The following SEC14L1 variants were observed in gnomAD, a reference collection of about 807,000 sequenced individuals.
SEC14L1 encodes the protein SEC14 like lipid binding 1.
A neutral mutation model predicts 85.3 loss-of-function variants in SEC14L1; 48 were observed. That is an observed-to-expected ratio of 0.56 (90% confidence interval 0.45 to 0.72). The LOEUF (loss-of-function observed/expected upper bound fraction) is 0.72. Ranked by LOEUF, SEC14L1 falls within the 30% of genes least tolerant of loss-of-function variation. The pLI is 0.00. For synonymous variants in SEC14L1, 391 were observed against 355.5 expected (o/e 1.10, Z -1.12); for missense variants, 682 against 921.4 (o/e 0.74, Z 3.36).
At chr17:77,147,617 C>T (rs1368333993) in intron 3 of SEC14L1, among the ~76,000 whole-genome samples, 1 of 152,140 alleles carries the variant, frequency 6.6e-6, no homozygotes, top group African/African-American at 2.4e-5. Flanking sequence ...AGATCTGATT[C>T]TCGAGTTTAG....
chr17:77,199,017 T>G (rs1413909301), intron 8 of SEC14L1: 2 of 151,704 alleles, frequency 1.3e-5, no homozygotes, highest in African/African-American at 4.9e-5. Flanking sequence ...TTTTTTTTTT[T>G]TTTTTGAGAT....
At chr17:77,134,939 T>C (rs1276596810) in intron 3 of SEC14L1, among the ~76,000 whole-genome samples, 1 of 152,186 alleles carries the variant, frequency 6.6e-6, no homozygotes, top group Non-Finnish European at 1.5e-5. Context: ...AAAAAGATTG[T>C]GTCCTGTCAC....
At chr17:77,100,249 T>C (rs542918207) in intron 3 of SEC14L1, among the ~76,000 whole-genome samples, 1 of 152,340 alleles carries the variant, frequency 6.6e-6, no homozygotes, top group South Asian at 2.1e-4. Flanking sequence ...CTTCCCCTTC[T>C]GCACCCTCCG....
chr17:77,200,351 T>C (rs1030922024), intron 8 of SEC14L1, 133 bp from the exon 9 acceptor site: 1 of 640,492 alleles, frequency 1.6e-6, no homozygotes, highest in Admixed American at 2.9e-5. Context: ...GTATTTTTAG[T>C]AGAGATGGCA....
At position 77,143,667 on chromosome 17, in the gene SEC14L1, C is replaced by T; in HGVS notation, c.63+8C>T. 9 of 1,589,682 alleles carry T rather than the reference C, an allele frequency of 5.7e-6. No homozygotes were observed. The highest frequency in any genetic ancestry group is 7.8e-6 in the Non-Finnish European group (9 of 1,158,318). Reference sequence around the variant, plus strand: ...TTTGAATTAATTATGGCTGTAAGTACTTGACATTTCAATTTACTCTTTGGC... The same window carrying T: ...TTTGAATTAATTATGGCTGTAAGTATTTGACATTTCAATTTACTCTTTGGC... On this transcript the variant is annotated splice_region_variant and intron_variant, in intron 3 of 16. Coordinates refer to ENST00000436233, the MANE Select transcript of SEC14L1 (RefSeq NM_001143998.2).
chr17:77,181,628 C>T (rs983243506), intron 3 of SEC14L1, among the ~76,000 whole-genome samples: 4 of 152,156 alleles, frequency 2.6e-5, no homozygotes, highest in African/African-American at 9.7e-5. Context: ...CCAGGCTGGT[C>T]TCAAACTCCT....
Position 77,206,965 on chromosome 17 carries a change from T to C in SEC14L1, c.1476+103T>C. 7.9e-7 allele frequency: 1 copy of C among 1,268,226 alleles called. No homozygotes were observed. The highest frequency in any genetic ancestry group is 1.1e-6 in the Non-Finnish European group (1 of 940,182). 78.6% of individuals were successfully genotyped at this position (1,268,226 alleles called of 1,614,324 possible). Reference sequence around the variant, plus strand: ...TTTTCAGAACTTCCAGTTGTTTGGATGTTTTGTTTTTGTTTTGTTTCTTTT... The same window carrying C: ...TTTTCAGAACTTCCAGTTGTTTGGACGTTTTGTTTTTGTTTTGTTTCTTTT... On this transcript the variant is annotated intron_variant, in intron 13 of 16. Coordinates refer to ENST00000436233, the MANE Select transcript of SEC14L1 (RefSeq NM_001143998.2). This position sits in a 1 kb window ranked among gnomAD's most constrained non-coding sequence, Gnocchi z 4.3.
At position 77,141,541 on chromosome 17, in the gene SEC14L1, T is replaced by C. The variant is rs531540067; in HGVS notation, c.-136+434T>C. On this transcript the variant is annotated intron_variant, in intron 1 of 16. Transcript: ENST00000436233. ...TCGAGCCTGCTCGGGATGCGTTCAG[T>C]GGGTCTGGCCTTTGGCTCCTGTTTA... is the stretch of plus-strand genomic sequence containing the variant. 3.0e-3 allele frequency: 462 copies of C among 152,134 alleles called. 2 individuals are homozygous for C. The highest frequency in any genetic ancestry group is 0.01 in the African/African-American group (434 of 41,440). The allele number at this position is 152,134 out of a possible 1,614,324, so 9.4% of individuals were successfully genotyped here.
intron 10 of SEC14L1, among the ~76,000 whole-genome samples, chr17:77,204,575 C>T (rs1465477814): frequency 3.3e-5 from 4 of 122,696 alleles, no homozygotes; most frequent in African/African-American, 6.1e-5. Context: ...TACTCTGTTG[C>T]TGAGGCTGGG....
chr17:77,195,480 G>A (rs1299457567), intron 7 of SEC14L1, among the ~76,000 whole-genome samples: 2 of 151,896 alleles, frequency 1.3e-5, no homozygotes, highest in Non-Finnish European at 2.9e-5. Context: ...CACCACGCCT[G>A]ACTAATTTTT....
chr17:77,186,056 T>C (rs1375921342), intron 3 of SEC14L1, among the ~76,000 whole-genome samples: 2 of 152,204 alleles, frequency 1.3e-5, no homozygotes, highest in Non-Finnish European at 2.9e-5. Flanking sequence ...GGCTACCACA[T>C]GTGGGTTTTG....
chr17:77,096,928 C>T (rs1372244111), intron 3 of SEC14L1, among the ~76,000 whole-genome samples: 5 of 152,124 alleles, frequency 3.3e-5, no homozygotes, highest in African/African-American at 9.7e-5. Context: ...CGAATCTGTC[C>T]GGTTGTCCCA....
At chr17:77,097,612 G>A (rs1319279791) in intron 3 of SEC14L1, among the ~76,000 whole-genome samples, 1 of 150,666 alleles carries the variant, frequency 6.6e-6, no homozygotes, top group African/African-American at 2.4e-5. Flanking sequence ...TGGTGGGAAA[G>A]TGGACTTGCT....
chr17:77,121,254 G>A (rs1200351134), intron 3 of SEC14L1, among the ~76,000 whole-genome samples: 1 of 152,176 alleles, frequency 6.6e-6, no homozygotes, highest in African/African-American at 2.4e-5. Context: ...AGACAACAGC[G>A]GGCAGGGAAA....
intron 5 of SEC14L1, among the ~76,000 whole-genome samples, chr17:77,191,827 A>T (rs1278116577): frequency 2.1e-4 from 28 of 135,534 alleles, no homozygotes; most frequent in African/African-American, 8.0e-4. Flanking sequence ...ATGGAGTCTC[A>T]CTCTTGTCAC....
intron 3 of SEC14L1, among the ~76,000 whole-genome samples, chr17:77,134,697 C>A (rs974417522): frequency 2.6e-5 from 4 of 152,108 alleles, no homozygotes; most frequent in Non-Finnish European, 1.5e-5. Context: ...TGCCACTGCA[C>A]GCTAGCCTGG....
rs576693299 is a variant in SEC14L1 at position 77,185,804 on chromosome 17, C to T, written c.64-4999C>T. On this transcript the variant is annotated intron_variant, in intron 3 of 16. Coordinates refer to ENST00000436233, the MANE Select transcript of SEC14L1 (RefSeq NM_001143998.2). ...TGTTTTCCTAGGAATTGTTCGTGTTCGGTACTTAATAAATTCTTAGGGCTT... is the reference window on the plus strand; with the variant it reads ...TGTTTTCCTAGGAATTGTTCGTGTTTGGTACTTAATAAATTCTTAGGGCTT... Among the ~76,000 whole-genome samples, 60 of 151,928 alleles carry T rather than the reference C, an allele frequency of 3.9e-4. 2 individuals are homozygous for T. Among genetic ancestry groups the T allele is most frequent in the African/African-American group, 5.8e-4 (24 of 41,396 alleles).
At chr17:77,134,397 G>C (rs762883432) in intron 3 of SEC14L1, among the ~76,000 whole-genome samples, 1 of 151,886 alleles carries the variant, frequency 6.6e-6, no homozygotes, top group Non-Finnish European at 1.5e-5. Context: ...CTATAGATGC[G>C]AGCCACCATG....
At chr17:77,151,588 C>G (rs984776111) in intron 3 of SEC14L1, among the ~76,000 whole-genome samples, 2 of 3,112 alleles carry the variant, frequency 6.4e-4, no homozygotes, top group Non-Finnish European at 0.034. Context: ...TCTGATTTAC[C>G]TGGTTTTTAT....
Sources: allele counts gnomAD v4.1 joint callset (sites outside exome capture counted in the v4.1 genomes callset), GRCh38; gene constraint gnomAD v4.1.1; non-coding constraint Gnocchi (gnomAD v3.1); transcripts MANE v1.5; gene names NCBI Gene and HGNC (gene_info 2026-07-23, HGNC 2026-07-21).